The following ARHGAP26 variants were observed in gnomAD, a reference collection of about 807,000 sequenced individuals.
ARHGAP26 encodes the protein rho GTPase-activating protein 26.
ARHGAP26 carries 38 observed loss-of-function variants against 104.8 expected under a neutral mutation model. The observed-to-expected ratio is 0.36, with a 90% CI of 0.28 to 0.48. ARHGAP26 has a LOEUF of 0.48. Among genes scored for constraint, ARHGAP26 ranks in the 20% least tolerant of loss-of-function variants. The pLI is 0.99. For synonymous variants in ARHGAP26, 341 were observed against 340.0 expected, an observed-to-expected ratio of 1.00 and a Z score of -0.03; for missense variants, 704 against 947.9, an observed-to-expected ratio of 0.74 and a Z score of 3.38.
chr5:143,074,927 G>A (rs992155694), intron 17 of ARHGAP26, among the ~76,000 whole-genome samples: 3 of 152,220 alleles, frequency 2.0e-5, no homozygotes, highest in African/African-American at 7.2e-5. Flanking sequence ...GGTAGCATGG[G>A]CCTGTCCACA....
chr5:142,994,439 G>A (rs946011846), intron 11 of ARHGAP26, among the ~76,000 whole-genome samples: 2 of 152,196 alleles, frequency 1.3e-5, no homozygotes, highest in African/African-American at 4.8e-5. Context: ...ACATTATGCT[G>A]TTAAGGGGTG....
In ARHGAP26 at chr5:142,954,070, G is replaced by C. The variant is rs1768823646; in HGVS notation, c.1107+21945G>C. The stretch of plus-strand genomic sequence containing the variant: ...GCTGTCTGAGCAAAGGCGTTTTTAA[G>C]CGAGAGCTGTACAAATATTATGCGT... On this transcript the variant is annotated intron_variant, in intron 11 of 22. Coordinates refer to ENST00000645722, the MANE Select transcript of ARHGAP26 (RefSeq NM_001135608.3). Among the ~76,000 whole-genome samples the C allele has an allele frequency of 1.3e-5, 2 of 152,208 alleles. 1 individual carries two copies. The highest frequency in any genetic ancestry group is 4.1e-4 in the South Asian group (2 of 4,828).
At chr5:142,999,050 T>C (rs1279569923) in intron 11 of ARHGAP26, among the ~76,000 whole-genome samples, 1 of 152,202 alleles carries the variant, frequency 6.6e-6, no homozygotes, top group African/African-American at 2.4e-5. Flanking sequence ...TCATTCATGA[T>C]GGTGAAATAT....
chr5:142,962,793 G>A (rs1418618985), intron 11 of ARHGAP26, among the ~76,000 whole-genome samples: 1 of 152,056 alleles, frequency 6.6e-6, no homozygotes, highest in Admixed American at 6.5e-5. Context: ...CTTAACTCTT[G>A]TTTGTTTTTT....
At chr5:143,189,409 T>A (rs543959726) in intron 20 of ARHGAP26, among the ~76,000 whole-genome samples, 1 of 152,216 alleles carries the variant, frequency 6.6e-6, no homozygotes, top group East Asian at 1.9e-4. Context: ...AGCCACAGAA[T>A]CCAAATTACA....
At chr5:143,086,521 G>A (rs867309759) in intron 17 of ARHGAP26, among the ~76,000 whole-genome samples, 11 of 152,116 alleles carry the variant, frequency 7.2e-5, no homozygotes, top group Non-Finnish European at 1.5e-4. Context: ...ACTTGTTTGG[G>A]TCCCTGAATA....
At chr5:142,903,131 C>A (rs114654708) in intron 7 of ARHGAP26, among the ~76,000 whole-genome samples, 1,786 of 152,282 alleles carry the variant, frequency 0.012, 20 homozygotes, top group Middle Eastern at 0.034. Context: ...AGGGACTCAT[C>A]TGTGAGCCAT....
intron 1 of ARHGAP26, among the ~76,000 whole-genome samples, chr5:142,861,843 G>A (rs184735939): frequency 3.3e-5 from 5 of 152,252 alleles, no homozygotes; most frequent in African/African-American, 4.8e-5. Context: ...GATTTTGAAC[G>A]CTGGGAGTCT....
intron 20 of ARHGAP26, among the ~76,000 whole-genome samples, chr5:143,175,561 G>T (rs1236522491): frequency 6.6e-6 from 1 of 151,760 alleles, no homozygotes; most frequent in Admixed American, 6.6e-5. Flanking sequence ...AATGAAGAAT[G>T]TTGGATACCA....
At position 142,963,198 on chromosome 5, in the gene ARHGAP26, ATGTG is replaced by A. The variant is rs1217350223; in HGVS notation, c.1107+31092_1107+31095del. Among the ~76,000 whole-genome samples, 53 of 98,330 alleles carry A rather than the reference ATGTG, an allele frequency of 5.4e-4. No homozygotes were observed. The Middle Eastern group carries it at 0.014, about 27-fold the overall frequency. 64.5% of individuals were successfully genotyped at this position (98,330 alleles called of 152,430 possible). A position where few individuals can be genotyped will look rare whatever the true frequency, so the allele number is the denominator to read the frequency against. ...TATATATATATATATATATATATAT[ATGTG>A]TGTGTGTGTGTGTGTGTGCGCGTGT... On this transcript the variant is annotated intron_variant, in intron 11 of 22. Coordinates refer to ENST00000645722, the MANE Select transcript of ARHGAP26 (RefSeq NM_001135608.3).
intron 20 of ARHGAP26, among the ~76,000 whole-genome samples, chr5:143,174,267 TAAGA>T (rs1475128839): frequency 6.6e-6 from 1 of 152,198 alleles, no homozygotes; most frequent in Non-Finnish European, 1.5e-5. Context: ...ACATAGCCAC[TAAGA>T]AAGAACGAGG....
At chr5:143,190,214 G>A (rs566709873) in intron 20 of ARHGAP26, among the ~76,000 whole-genome samples, 2 of 152,120 alleles carry the variant, frequency 1.3e-5, no homozygotes, top group Non-Finnish European at 2.9e-5. Context: ...TATAACAGAT[G>A]GCACAAATGG....
chr5:143,008,862 CTG>C (rs2152805230), intron 11 of ARHGAP26, among the ~76,000 whole-genome samples: 1 of 152,300 alleles, frequency 6.6e-6, no homozygotes, highest in Non-Finnish European at 1.5e-5. Flanking sequence ...CCAGATGACT[CTG>C]TGTATTCTCT....
At chr5:143,060,196 A>G (rs2150313597) in intron 17 of ARHGAP26, among the ~76,000 whole-genome samples, 1 of 152,272 alleles carries the variant, frequency 6.6e-6, no homozygotes, top group South Asian at 2.1e-4. Context: ...TACTTACTTA[A>G]TGGTCAGCTT....
rs140487561 is a variant in ARHGAP26, at chr5:142,795,605, G to A, written c.154+24690G>A. Among the ~76,000 whole-genome samples the A allele has an allele frequency of 9.6e-3, 1,464 of 152,266 alleles. 22 individuals are homozygous for A. Among genetic ancestry groups the A allele is most frequent in the Middle Eastern group, 0.044 (13 of 294 alleles). On this transcript the variant is annotated intron_variant, in intron 1 of 22. Coordinates refer to ENST00000645722, the MANE Select transcript of ARHGAP26 (RefSeq NM_001135608.3). ...TTATCCAAGTGTAGAATATGTACTT[G>A]TTTTGCTTCCAGCCCCAAATTCCCT...
intron 11 of ARHGAP26, among the ~76,000 whole-genome samples, chr5:143,013,859 A>G (rs1323517314): frequency 1.3e-5 from 2 of 152,232 alleles, no homozygotes; most frequent in Non-Finnish European, 2.9e-5. Context: ...TTTTTACACA[A>G]TAAAGTTGCA....
chr5:143,086,807 A>G (rs953658070), intron 17 of ARHGAP26, among the ~76,000 whole-genome samples: 1 of 152,192 alleles, frequency 6.6e-6, no homozygotes, highest in Non-Finnish European at 1.5e-5. Flanking sequence ...CTACAGAACT[A>G]ACTTTAGTTG....
At chr5:143,027,767 A>T (rs901322569) in intron 12 of ARHGAP26, among the ~76,000 whole-genome samples, 2 of 152,222 alleles carry the variant, frequency 1.3e-5, no homozygotes, top group Non-Finnish European at 2.9e-5. Context: ...TGTGGTATAG[A>T]TACTGGCAAT....
chr5:142,879,583 A>T, intron 4 of ARHGAP26, 138 bp downstream of exon 4: 1 of 777,168 alleles, frequency 1.3e-6, no homozygotes, highest in Non-Finnish European at 2.0e-6. Context: ...TAGGCAGAAA[A>T]CTCTATAGAG....
Sources: gnomAD v4.1 joint callset for allele counts (sites outside exome capture counted in the v4.1 genomes callset) on GRCh38, gnomAD v4.1.1 for gene constraint, MANE v1.5 for transcripts, NCBI Gene and HGNC (gene_info 2026-07-23, HGNC 2026-07-21) for gene names.